The following RAD51B variants were observed in gnomAD, a reference collection of about 807,000 sequenced individuals.
RAD51B encodes DNA repair protein RAD51 homolog 2.
A neutral mutation model predicts 42.2 loss-of-function variants in RAD51B; 38 were observed. The ratio of observed to expected loss-of-function variants is 0.90; its 90% CI spans 0.70 to 1.18. RAD51B has a LOEUF of 1.18. RAD51B is among the 50% of genes most tolerant of loss of function. RAD51B has a pLI of 0.00. For synonymous variants in RAD51B, 154 were observed against 145.2 expected (o/e 1.06, Z -0.43); for missense variants, 373 against 400.7 (o/e 0.93, Z 0.59).
intron 7 of RAD51B, among the ~76,000 whole-genome samples, chr14:67,903,794 T>G (rs931497641): frequency 6.6e-6 from 1 of 152,174 alleles, no homozygotes. Flanking sequence ...ATGTGCAGGT[T>G]TGTTATGTGG....
chr14:68,208,188 A>T (rs2079633454), intron 7 of RAD51B, among the ~76,000 whole-genome samples: 1 of 152,210 alleles, frequency 6.6e-6, no homozygotes, highest in Non-Finnish European at 1.5e-5. Context: ...TCTTACCTAC[A>T]GTGGGAAAAG....
At chr14:68,497,311 A>G in intron 10 of RAD51B, 38 of 1,267,456 alleles carry the variant, frequency 3.0e-5, no homozygotes, top group Non-Finnish European at 3.7e-5. Context: ...TAGAGGATGT[A>G]TCTCACAAGT....
At chr14:68,446,270 A>T (rs990614328) in intron 9 of RAD51B, among the ~76,000 whole-genome samples, 1 of 152,214 alleles carries the variant, frequency 6.6e-6, no homozygotes, top group Non-Finnish European at 1.5e-5. Context: ...CTGAAGTTAA[A>T]ACAACTAGTA....
chr14:68,408,379 A>C (rs1282842386), intron 8 of RAD51B, among the ~76,000 whole-genome samples: 2 of 152,194 alleles, frequency 1.3e-5, no homozygotes, highest in Admixed American at 1.3e-4. Context: ...CTTTGATGAT[A>C]CTGAATTTGC....
intron 7 of RAD51B, among the ~76,000 whole-genome samples, chr14:68,239,741 C>G (rs566848928): frequency 1.3e-5 from 2 of 152,314 alleles, no homozygotes; most frequent in South Asian, 4.1e-4. Flanking sequence ...ACCTAGCAGA[C>G]TCTTGATATA....
intron 10 of RAD51B, among the ~76,000 whole-genome samples, chr14:68,543,235 G>T (rs954250228): frequency 1.3e-5 from 2 of 152,158 alleles, no homozygotes; most frequent in African/African-American, 2.4e-5. Context: ...GGCTGGATTT[G>T]GTCCTTGGGC....
At chr14:68,480,898 G>A (rs1159656685), downstream of RAD51B, among the ~76,000 whole-genome samples, 1 of 152,194 alleles carries the variant, frequency 6.6e-6, no homozygotes, top group Non-Finnish European at 1.5e-5. Context: ...AATGTGGGTT[G>A]CACCCTATTT....
rs774360651 is a variant in RAD51B at position 68,442,435 on chromosome 14, C to CTTTT, written c.958-25715_958-25712dup. Among the ~76,000 whole-genome samples the CTTTT allele has an allele frequency of 6.0e-4, 41 of 68,424 alleles. 1 individual carries two copies. Among genetic ancestry groups the CTTTT allele is most frequent in the Admixed American group, 1.1e-3 (5 of 4,532 alleles). 44.9% of individuals were successfully genotyped at this position (68,424 alleles called of 152,430 possible). On this transcript the variant is annotated intron_variant, in intron 9 of 10. Coordinates refer to ENST00000471583, the MANE Select transcript of RAD51B (RefSeq NM_133510.4). ...TGCCTACTATGTAGTAGGCATTGTG[C>CTTTT]TTTTTTTTTTTTTTTTTTTTTTTTT...
intron 4 of RAD51B, among the ~76,000 whole-genome samples, chr14:67,839,710 T>A (rs1357364580): frequency 1.3e-5 from 2 of 152,032 alleles, no homozygotes; most frequent in Non-Finnish European, 2.9e-5. Flanking sequence ...ATTATCTCCT[T>A]TTATTTAATT....
At chr14:68,436,236 A>G (rs1432861520) in intron 9 of RAD51B, among the ~76,000 whole-genome samples, 3 of 152,152 alleles carry the variant, frequency 2.0e-5, no homozygotes, top group East Asian at 3.9e-4. Context: ...TCTTCTGCCT[A>G]TGGCTACCCA....
intron 7 of RAD51B, among the ~76,000 whole-genome samples, chr14:68,258,970 G>C (rs1187581374): frequency 1.3e-5 from 2 of 152,174 alleles, no homozygotes; most frequent in Non-Finnish European, 2.9e-5. Context: ...TTTCAGACCA[G>C]AGTGACCTGT....
chr14:68,218,622 A>G (rs1397783575), intron 7 of RAD51B, among the ~76,000 whole-genome samples: 1 of 152,264 alleles, frequency 6.6e-6, no homozygotes, highest in Non-Finnish European at 1.5e-5. Flanking sequence ...ATGCATAATT[A>G]TGACATCAAT....
intron 10 of RAD51B, among the ~76,000 whole-genome samples, chr14:68,540,033 A>G (rs1228349648): frequency 2.6e-5 from 4 of 152,012 alleles, no homozygotes; most frequent in African/African-American, 9.7e-5. Flanking sequence ...TCAGAAGAGC[A>G]TTTCTGTGCT....
At chr14:67,882,110 C>T in intron 5 of RAD51B, among the ~76,000 whole-genome samples, 1 of 152,088 alleles carries the variant, frequency 6.6e-6, no homozygotes, top group Non-Finnish European at 1.5e-5. Flanking sequence ...GTAGCTGGGA[C>T]CACAGGCATA....
intron 7 of RAD51B, among the ~76,000 whole-genome samples, chr14:68,040,531 A>G (rs1233056717): frequency 6.6e-6 from 1 of 152,108 alleles, no homozygotes; most frequent in Non-Finnish European, 1.5e-5. Flanking sequence ...TCTTTTTACC[A>G]CCAATGGTAT....
At chr14:68,594,940 C>T in exon 11 of RAD51B, 1 of 1,085,018 alleles carries the variant, frequency 9.2e-7, no homozygotes, top group Non-Finnish European at 1.1e-6. Flanking sequence ...GACGTGGAAA[C>T]AGGAGGTGAA....
intron 10 of RAD51B, chr14:68,627,047 C>G (rs1306577269): frequency 1.3e-5 from 2 of 152,216 alleles, no homozygotes; most frequent in East Asian, 3.8e-4. Flanking sequence ...AAGGTACATT[C>G]TTTGACTATG....
rs144069761 is a variant in RAD51B at position 68,564,483 on chromosome 14, G to C, written c.1037-30002G>C. ...ACGGGCTTGTGAGAAGGAGCTGCTTGTTGTTGCCCTTCCCCAGAGAGGAAG... is the reference window on the plus strand; with the variant it reads ...ACGGGCTTGTGAGAAGGAGCTGCTTCTTGTTGCCCTTCCCCAGAGAGGAAG... On this transcript the variant is annotated intron_variant, in intron 10 of 10. Coordinates refer to the RAD51B transcript ENST00000487270. Among the ~76,000 whole-genome samples, 60 of 152,338 alleles carry C rather than the reference G, an allele frequency of 3.9e-4. No individual in the cohort carries two copies. In the East Asian group the frequency reaches 0.01, roughly 26 times the overall value.
At chr14:68,030,393 C>T (rs537902505) in intron 7 of RAD51B, among the ~76,000 whole-genome samples, 8 of 152,230 alleles carry the variant, frequency 5.3e-5, no homozygotes, top group African/African-American at 1.4e-4. Flanking sequence ...AACTTTCTGC[C>T]GGTTTTATAT....
Sources: allele counts gnomAD v4.1 joint callset (sites outside exome capture counted in the v4.1 genomes callset), GRCh38; gene constraint gnomAD v4.1.1; transcripts MANE v1.5; gene names NCBI Gene and HGNC (gene_info 2026-07-23, HGNC 2026-07-21).